AFAP1: variants seen among roughly 807,000 people sequenced by gnomAD.
AFAP1 encodes actin filament-associated protein 1.
In AFAP1, 75 loss-of-function variants were observed where a neutral mutation model predicts 93.9. The ratio of observed to expected loss-of-function variants is 0.80; its 90% confidence interval spans 0.66 to 0.97. The LOEUF (loss-of-function observed/expected upper bound fraction) is 0.97, where lower values mean the gene tolerates loss of function less well. AFAP1 is among the 50% of genes least tolerant of loss of function. The pLI is 0.00. For missense variants in AFAP1, 1,201 were observed against 1,050.8 expected (o/e 1.14, Z -1.98); for synonymous variants, 517 against 430.7 (o/e 1.20, Z -2.48).
rs549391882 is a variant in AFAP1, at chr4:7,920,037, A to C, written c.-3+19619T>G. Among the ~76,000 whole-genome samples, 3 of 152,254 alleles carry C rather than the reference A, an allele frequency of 2.0e-5. No individual in the cohort carries two copies. In the East Asian group the frequency reaches 5.8e-4, roughly 29 times the overall value. ...GTATGTACCACATTTTCTTTAGTCT[A>C]TCATTGATGGGCGTTTGGGTTGATT... On this transcript the variant is annotated intron_variant, in intron 1 of 17. Coordinates refer to ENST00000420658, the MANE Select transcript of AFAP1 (RefSeq NM_001134647.2).
chr4:7,859,073 C>T (rs918679696), intron 3 of AFAP1, among the ~76,000 whole-genome samples: 1 of 152,218 alleles, frequency 6.6e-6, no homozygotes, highest in African/African-American at 2.4e-5. Flanking sequence ...ACACGGCCTG[C>T]ATCTGTCCCC....
At chr4:7,843,090 C>A in intron 5 of AFAP1, 49 bp downstream of exon 5, 1 of 1,587,554 alleles carries the variant, frequency 6.3e-7, no homozygotes, top group Non-Finnish European at 8.6e-7. Context: ...GCCATGGCTT[C>A]TGAGTGCAGC....
chr4:7,849,950 G>A (rs1308791477), intron 4 of AFAP1, among the ~76,000 whole-genome samples: 1 of 152,106 alleles, frequency 6.6e-6, no homozygotes, highest in African/African-American at 2.4e-5. Context: ...AAAGGGGCTG[G>A]GGATGGGGGG....
chr4:7,790,614 G>C (rs575010657), intron 11 of AFAP1, among the ~76,000 whole-genome samples: 34 of 151,828 alleles, frequency 2.2e-4, no homozygotes, highest in Admixed American at 1.6e-3. Flanking sequence ...ATGTCTGCTA[G>C]TTGGGCAGAT....
intron 10 of AFAP1, among the ~76,000 whole-genome samples, chr4:7,798,305 C>T (rs1718665357): frequency 7.2e-6 from 1 of 139,062 alleles, no homozygotes; most frequent in East Asian, 3.3e-4. Context: ...CATTGCAACC[C>T]TATTGGCTGG....
chr4:7,879,280 C>A (rs970271993), intron 1 of AFAP1, among the ~76,000 whole-genome samples: 1 of 152,204 alleles, frequency 6.6e-6, no homozygotes, highest in Non-Finnish European at 1.5e-5. Flanking sequence ...TTTATCTCAT[C>A]TGAGCCTCAC....
intron 14 of AFAP1, 49 bp downstream of exon 14, chr4:7,778,710 TCCA>T: frequency 6.4e-7 from 1 of 1,563,490 alleles, no homozygotes; most frequent in Non-Finnish European, 8.8e-7. Context: ...CAGGCCCAGC[TCCA>T]CCAAGTGCAC....
intron 1 of AFAP1, among the ~76,000 whole-genome samples, chr4:7,920,107 T>C (rs1720358528): frequency 6.6e-6 from 1 of 152,210 alleles, no homozygotes; most frequent in African/African-American, 2.4e-5. Context: ...AACATACGCG[T>C]ACATGTATCT....
intron 16 of AFAP1, chr4:7,772,098 C>G (rs902328248): frequency 6.6e-6 from 1 of 152,190 alleles, no homozygotes; most frequent in Non-Finnish European, 1.5e-5. Flanking sequence ...GGGGAGCGTT[C>G]GGGACGCAGT....
chr4:7,818,971 T>C (rs1011775978), intron 7 of AFAP1, 105 bp downstream of exon 7: 3 of 1,122,576 alleles, frequency 2.7e-6, no homozygotes, highest in African/African-American at 3.1e-5. Context: ...TTTTTCTTTT[T>C]TAACTGGAAG....
At chr4:7,799,188 C>G (rs1718781777) in intron 10 of AFAP1, 2 of 664,232 alleles carry the variant, frequency 3.0e-6, no homozygotes, top group Admixed American at 6.3e-5. Context: ...CCAGCTGTCC[C>G]AAGCCCATCT....
intron 3 of AFAP1, among the ~76,000 whole-genome samples, chr4:7,860,058 G>A (rs962720795): frequency 6.6e-6 from 1 of 152,172 alleles, no homozygotes; most frequent in South Asian, 2.1e-4. Context: ...TGGGAGGACT[G>A]CTCGAGCCCG....
At chr4:7,877,324 G>C (rs767396652) in intron 1 of AFAP1, among the ~76,000 whole-genome samples, 5 of 152,314 alleles carry the variant, frequency 3.3e-5, no homozygotes, top group Middle Eastern at 3.4e-3. Context: ...ACATAAAATA[G>C]CTCATTTGAT....
intron 10 of AFAP1, among the ~76,000 whole-genome samples, chr4:7,794,583 G>GTGA (rs1560162577): frequency 6.6e-6 from 1 of 151,998 alleles, no homozygotes; most frequent in African/African-American, 2.4e-5. Context: ...GTGCAGTGGT[G>GTGA]TGATCATAGC....
At chr4:7,933,661 C>A (rs1721223660) in intron 1 of AFAP1, among the ~76,000 whole-genome samples, 1 of 152,156 alleles carries the variant, frequency 6.6e-6, no homozygotes, top group Non-Finnish European at 1.5e-5. Flanking sequence ...TGACCAGGTC[C>A]CTGGCCTAGC....
At chr4:7,819,368 C>T (rs1040586459) in intron 6 of AFAP1, among the ~76,000 whole-genome samples, 197 bp from the exon 7 acceptor site, 1 of 152,196 alleles carries the variant, frequency 6.6e-6, no homozygotes, top group Non-Finnish European at 1.5e-5. Flanking sequence ...AGTCTATCAA[C>T]GCTGGTACTA....
rs201663689 is a variant in AFAP1 at position 7,780,658 on chromosome 4, T to TA, written c.1782+717dup. Among the ~76,000 whole-genome samples, 320 of 151,222 alleles carry TA rather than the reference T, an allele frequency of 2.1e-3. 1 individual carries two copies. Among genetic ancestry groups the TA allele is most frequent in the African/African-American group, 6.4e-3 (263 of 41,198 alleles). On this transcript the variant is annotated intron_variant, in intron 13 of 17. Transcript: ENST00000420658. The stretch of plus-strand genomic sequence containing the variant: ...GAGACTTCATCTTTTTTTTTTTTTT[T>TA]AAAAAGGCCTAACACCACAAAATTA...
At chr4:7,874,530 ATTT>A (rs71175435) in intron 1 of AFAP1, among the ~76,000 whole-genome samples, 647 of 51,366 alleles carry the variant, frequency 0.013, 4 homozygotes, top group African/African-American at 0.039. Flanking sequence ...TGCCCAGCTA[ATTT>A]TTTTTTTTTT....
chr4:7,807,752 C>T (rs146010679), intron 9 of AFAP1, among the ~76,000 whole-genome samples: 189 of 152,348 alleles, frequency 1.2e-3, no homozygotes, highest in African/African-American at 4.3e-3. Flanking sequence ...GTCAGTATGA[C>T]GCAACTTCCC....
Sources: allele counts gnomAD v4.1 joint callset (sites outside exome capture counted in the v4.1 genomes callset), GRCh38; gene constraint gnomAD v4.1.1; transcripts MANE v1.5; gene names NCBI Gene and HGNC (gene_info 2026-07-23, HGNC 2026-07-21).